FNBP4: variants seen among roughly 807,000 people sequenced by gnomAD.
FNBP4 encodes formin binding protein 4.
FNBP4 carries 34 observed loss-of-function variants against 119.3 expected under a neutral mutation model. The observed-to-expected ratio is 0.28, with a 90% confidence interval of 0.22 to 0.38. FNBP4 has a LOEUF of 0.38. Ranked by LOEUF, FNBP4 falls within the 10% of genes least tolerant of loss-of-function variation. FNBP4 has a pLI of 1.00. For synonymous variants in FNBP4, 462 were observed against 430.6 expected (o/e 1.07, Z -0.90); for missense variants, 1,112 against 1,228.9 (o/e 0.90, Z 1.42).
At chr11:47,720,879 G>C (rs1251808565) in intron 15 of FNBP4, among the ~76,000 whole-genome samples, 1 of 150,354 alleles carries the variant, frequency 6.7e-6, no homozygotes. Flanking sequence ...CCAGCTGCTT[G>C]GGAGGCTGAG....
Position 47,751,139 on chromosome 11 carries a change from T to C in FNBP4, c.785+4A>G. The stretch of plus-strand genomic sequence containing the variant: ...GGCAATTTCACTTTTAAATTTATTC[T>C]TACCTGGGCTGGTAATGCTGTAATC... On this transcript the variant is annotated splice_donor_region_variant and intron_variant, in intron 5 of 16. Coordinates refer to ENST00000263773, the MANE Select transcript of FNBP4 (RefSeq NM_015308.5). 6.2e-7 allele frequency: 1 copy of C among 1,614,016 alleles called. No homozygotes were observed. Among genetic ancestry groups the C allele is most frequent in the Non-Finnish European group, 8.5e-7 (1 of 1,179,976 alleles).
chr11:47,734,515 C>T (rs1345437595), intron 9 of FNBP4, among the ~76,000 whole-genome samples: 1 of 152,028 alleles, frequency 6.6e-6, no homozygotes, highest in African/African-American at 2.4e-5. Flanking sequence ...CTGTGCCCAG[C>T]CCATCATAAT....
intron 14 of FNBP4, 67 bp downstream of exon 14, chr11:47,723,961 T>A: frequency 7.0e-7 from 1 of 1,424,740 alleles, no homozygotes. Context: ...TTAGTTTTTA[T>A]GGCATCTAAT....
chr11:47,740,462 T>C (rs2097580350), intron 8 of FNBP4, among the ~76,000 whole-genome samples: 1 of 151,396 alleles, frequency 6.6e-6, no homozygotes, highest in African/African-American at 2.4e-5. Context: ...AATATTAACA[T>C]GTTAATATTG....
At chr11:47,759,613 C>T (rs182624035) in intron 2 of FNBP4, among the ~76,000 whole-genome samples, 2 of 152,192 alleles carry the variant, frequency 1.3e-5, no homozygotes, top group East Asian at 1.9e-4. Context: ...CTTTTGTATA[C>T]AGTACTGATG....
intron 2 of FNBP4, among the ~76,000 whole-genome samples, chr11:47,763,463 A>T (rs1208335570): frequency 6.7e-6 from 1 of 148,798 alleles, no homozygotes; most frequent in Non-Finnish European, 1.5e-5. Context: ...TTAAAGCCTG[A>T]GAAAGCATGG....
At chr11:47,754,702 T>A (rs2097612616) in intron 2 of FNBP4, 38 bp from the exon 3 acceptor site, 1 of 1,605,912 alleles carries the variant, frequency 6.2e-7, no homozygotes, top group Non-Finnish European at 8.5e-7. Context: ...GTAACAACAA[T>A]GTCAATATGT....
At chr11:47,766,608 G>A (rs532226569) in intron 1 of FNBP4, among the ~76,000 whole-genome samples, 1 of 152,344 alleles carries the variant, frequency 6.6e-6, no homozygotes, top group Admixed American at 6.5e-5. Flanking sequence ...CTGCTAGTGT[G>A]GGGATGCTTA....
In FNBP4 at chr11:47,765,581, G is replaced by A. The variant is rs1292109319; in HGVS notation, c.221-219C>T. The stretch of plus-strand genomic sequence containing the variant: ...GGAGGCCAAGACGGGGGGGGGGGGG[G>A]GCCACTTGAGGTCAGGGGTTCAAGA... On this transcript the variant is annotated intron_variant, in intron 1 of 16. Transcript: ENST00000263773. 5.8e-5 allele frequency among the ~76,000 whole-genome samples: 4 copies of A among 68,546 alleles called. 1 individual carries two copies. Among genetic ancestry groups the A allele is most frequent in the Admixed American group, 2.6e-4 (2 of 7,830 alleles). The allele number at this position is 68,546 out of a possible 152,430, so 45.0% of individuals were successfully genotyped here. A position where few individuals can be genotyped will look rare whatever the true frequency, so the allele number is the denominator to read the frequency against.
chr11:47,735,243 T>A (rs541478902), intron 9 of FNBP4, among the ~76,000 whole-genome samples: 104 of 152,212 alleles, frequency 6.8e-4, no homozygotes, highest in African/African-American at 2.3e-3. Context: ...AAAAAATAGA[T>A]CCTGAATGAT....
chr11:47,730,618 G>A (rs1365205824), intron 12 of FNBP4, among the ~76,000 whole-genome samples: 2 of 152,086 alleles, frequency 1.3e-5, no homozygotes, highest in African/African-American at 2.4e-5. Flanking sequence ...CTTTAGAAAC[G>A]ACTCATAGAC....
intron 1 of FNBP4, 92 bp from the exon 2 acceptor site, chr11:47,765,454 G>C (rs770381889): frequency 4.5e-6 from 4 of 890,182 alleles, no homozygotes; most frequent in Admixed American, 2.4e-5. Flanking sequence ...AAACACTAGA[G>C]GTGACAAACC....
chr11:47,748,268 AT>A (rs980839560), intron 6 of FNBP4, among the ~76,000 whole-genome samples: 3 of 151,638 alleles, frequency 2.0e-5, no homozygotes, highest in African/African-American at 7.2e-5. Context: ...AAAATAAAAA[AT>A]AAAAATAAAA....
rs767936839 is a variant in FNBP4 at position 47,724,463 on chromosome 11, C to G, written c.2319+5G>C. 5 of 1,614,184 alleles carry G rather than the reference C, an allele frequency of 3.1e-6. No individual in the cohort carries two copies. Among genetic ancestry groups the G allele is most frequent in the Non-Finnish European group, 4.2e-6 (5 of 1,179,994 alleles). On this transcript the variant is annotated splice_donor_5th_base_variant and intron_variant, in intron 13 of 16. Transcript: ENST00000263773. ...TCACTCAGAATGCCAAAGGGAATTA[C>G]TTACCTGGCTAGTTACAACTGTGGT... is the stretch of plus-strand genomic sequence containing the variant.
chr11:47,734,731 T>C (rs1182041514), intron 9 of FNBP4, among the ~76,000 whole-genome samples: 5 of 152,022 alleles, frequency 3.3e-5, no homozygotes, highest in African/African-American at 9.7e-5. Context: ...TCCCAGCACT[T>C]TGGGAGGCTG....
chr11:47,745,498 G>A (rs1441507044), intron 7 of FNBP4, among the ~76,000 whole-genome samples: 3 of 152,038 alleles, frequency 2.0e-5, no homozygotes, highest in South Asian at 2.1e-4. Context: ...GAAAAACCCG[G>A]CCCTGGTAAG....
At position 47,757,073 on chromosome 11, in the gene FNBP4, G is replaced by A. The variant is rs201380943; in HGVS notation, c.314-2409C>T. Among the ~76,000 whole-genome samples the A allele has an allele frequency of 1.1e-3, 160 of 152,240 alleles. 1 individual carries two copies. In the East Asian group the frequency reaches 0.029, roughly 27 times the overall value. ...TGGGTATATACCCAGTAATGGGATC[G>A]CTGGGTCAAATGGTATTTCTAGTTC... is the stretch of plus-strand genomic sequence containing the variant. On this transcript the variant is annotated intron_variant, in intron 2 of 16. Coordinates refer to ENST00000263773, the MANE Select transcript of FNBP4 (RefSeq NM_015308.5).
chr11:47,760,409 G>A (rs147309505), intron 2 of FNBP4, among the ~76,000 whole-genome samples: 235 of 150,698 alleles, frequency 1.6e-3, no homozygotes, highest in East Asian at 3.5e-3. Context: ...TTACAAGTGC[G>A]TGCCAATGTA....
At chr11:47,719,646 A>G (rs960716138) in intron 16 of FNBP4, among the ~76,000 whole-genome samples, 21 of 151,078 alleles carry the variant, frequency 1.4e-4, no homozygotes, top group Non-Finnish European at 2.9e-4. Flanking sequence ...TAGATAGTAA[A>G]TGATGTACTG....
Sources: gnomAD v4.1 joint callset for allele counts (sites outside exome capture counted in the v4.1 genomes callset) on GRCh38, gnomAD v4.1.1 for gene constraint, MANE v1.5 for transcripts, NCBI Gene and HGNC (gene_info 2026-07-23, HGNC 2026-07-21) for gene names.